Variants in WDR7 observed in about 807,000 individuals in gnomAD.
WDR7 encodes WD repeat domain 7.
In WDR7, 46 loss-of-function variants were observed where a neutral mutation model predicts 169.4. The ratio of observed to expected loss-of-function variants is 0.27; its 90% CI spans 0.21 to 0.35. The LOEUF (loss-of-function observed/expected upper bound fraction) is 0.35, where lower values mean the gene tolerates loss of function less well. Ranked by LOEUF, WDR7 falls within the 10% of genes least tolerant of loss-of-function variation. The pLI is 1.00. For missense variants in WDR7, 1,534 were observed against 1,859.3 expected (o/e 0.83, Z 3.22); for synonymous variants, 612 against 666.8 (o/e 0.92, Z 1.27).
rs999133501 is a variant in WDR7 at position 56,800,242 on chromosome 18, T to G, written c.3191-15789T>G. On this transcript the variant is annotated intron_variant, in intron 19 of 27. Coordinates refer to ENST00000254442, the MANE Select transcript of WDR7 (RefSeq NM_015285.3). ...TTCATTCTCTAAATCATTGGTTAGA[T>G]ATGAATAGTCTTTAAAATGAATTGT... 2.0e-4 allele frequency among the ~76,000 whole-genome samples: 30 copies of G among 152,342 alleles called. 1 individual carries two copies. The highest frequency in any genetic ancestry group is 7.0e-4 in the African/African-American group (29 of 41,592).
intron 19 of WDR7, among the ~76,000 whole-genome samples, chr18:56,783,372 A>G (rs2044348674): frequency 6.6e-6 from 1 of 152,206 alleles, no homozygotes; most frequent in Non-Finnish European, 1.5e-5. Flanking sequence ...CATTAACTTT[A>G]TAATATTCCA....
intron 20 of WDR7, among the ~76,000 whole-genome samples, chr18:56,876,452 A>G (rs2046022802): frequency 1.3e-5 from 2 of 152,218 alleles, no homozygotes; most frequent in South Asian, 4.1e-4. Flanking sequence ...CAAAAAAGAT[A>G]TCTCTGTGGA....
At chr18:56,947,105 C>A (rs868312173) in intron 25 of WDR7, among the ~76,000 whole-genome samples, 1 of 152,110 alleles carries the variant, frequency 6.6e-6, no homozygotes, top group African/African-American at 2.4e-5. Context: ...CACAGTTATA[C>A]AAAATAGTTC....
chr18:56,911,623 A>G (rs578122058), intron 21 of WDR7, among the ~76,000 whole-genome samples: 3 of 152,332 alleles, frequency 2.0e-5, no homozygotes, highest in African/African-American at 7.2e-5. Context: ...TTGACTGTGT[A>G]TGCGTAAAGG....
intron 19 of WDR7, among the ~76,000 whole-genome samples, chr18:56,787,965 G>A (rs9949822): frequency 0.014 from 2,123 of 152,254 alleles, 46 homozygotes; most frequent in African/African-American, 0.047. Flanking sequence ...AACATGGTAT[G>A]AGTCTTTCCC....
At chr18:56,801,322 T>G (rs556713262) in intron 19 of WDR7, among the ~76,000 whole-genome samples, 1 of 152,344 alleles carries the variant, frequency 6.6e-6, no homozygotes, top group East Asian at 1.9e-4. Context: ...TTTTTTGGCC[T>G]GTTTTCCAAA....
chr18:56,747,740 A>C (rs983044896), intron 14 of WDR7, among the ~76,000 whole-genome samples: 2 of 152,118 alleles, frequency 1.3e-5, no homozygotes, highest in African/African-American at 4.8e-5. Flanking sequence ...GTGCAGATGC[A>C]GGTGGGCATG....
chr18:56,845,788 A>G (rs1299438354), intron 20 of WDR7, among the ~76,000 whole-genome samples: 3 of 152,164 alleles, frequency 2.0e-5, no homozygotes, highest in Non-Finnish European at 4.4e-5. Context: ...GTTTCTTTCT[A>G]AAAAACTGCA....
intron 12 of WDR7, among the ~76,000 whole-genome samples, chr18:56,696,822 C>G (rs781515841): frequency 6.6e-6 from 1 of 152,014 alleles, no homozygotes; most frequent in South Asian, 2.1e-4. Flanking sequence ...ATTTTTGGGT[C>G]CATCTGAGCA....
intron 23 of WDR7, among the ~76,000 whole-genome samples, chr18:56,936,512 A>T (rs1425411440): frequency 6.6e-6 from 1 of 152,172 alleles, no homozygotes; most frequent in African/African-American, 2.4e-5. Flanking sequence ...ATTTTTTTTA[A>T]AGGTTTATTC....
At chr18:56,802,268 G>T (rs1294674792) in intron 19 of WDR7, among the ~76,000 whole-genome samples, 3 of 151,410 alleles carry the variant, frequency 2.0e-5, no homozygotes, top group Admixed American at 2.0e-4. Context: ...TTGGTGAAAT[G>T]CCTATTTACA....
At chr18:56,768,258 T>TA (rs996118566) in intron 16 of WDR7, among the ~76,000 whole-genome samples, 52 of 152,052 alleles carry the variant, frequency 3.4e-4, no homozygotes, top group Middle Eastern at 3.4e-3. Flanking sequence ...TGGGTCTTTT[T>TA]AAAAAAAAGC....
chr18:56,903,735 A>G (rs375847357), intron 21 of WDR7, among the ~76,000 whole-genome samples: 30 of 152,082 alleles, frequency 2.0e-4, no homozygotes, highest in East Asian at 3.9e-4. Context: ...TCCATTTTCA[A>G]TGGAAGTTGG....
In WDR7 at chr18:56,694,776, G is replaced by A. The variant is rs377438907; in HGVS notation, c.1108+16G>A. ...AGTGAAGAAGGTAATAGTAAATCAT[G>A]TGTAACAATTTCTTAATTAATTTAA... On this transcript the variant is annotated intron_variant, in intron 10 of 27. Transcript: ENST00000254442. 6 of 1,591,948 alleles carry A rather than the reference G, an allele frequency of 3.8e-6. No individual in the cohort carries two copies. The highest frequency in any genetic ancestry group is 5.1e-6 in the Non-Finnish European group (6 of 1,169,508).
intron 19 of WDR7, among the ~76,000 whole-genome samples, chr18:56,783,512 A>G (rs1176883201): frequency 7.2e-5 from 11 of 152,300 alleles, no homozygotes; most frequent in South Asian, 6.2e-4. Context: ...GCAAATCACT[A>G]AAGAATTTTT....
chr18:56,705,758 G>T (rs570835464), intron 12 of WDR7, among the ~76,000 whole-genome samples: 3 of 152,198 alleles, frequency 2.0e-5, no homozygotes, highest in Non-Finnish European at 2.9e-5. Context: ...CAGCATTTTG[G>T]CAGGCTGAGG....
intron 9 of WDR7, among the ~76,000 whole-genome samples, chr18:56,693,573 GTT>G (rs1254201598): frequency 1.3e-4 from 7 of 54,484 alleles, no homozygotes; most frequent in African/African-American, 4.3e-4. Flanking sequence ...TTTTTTTTTT[GTT>G]TTTTTTTTTT....
Position 56,731,448 on chromosome 18 carries a change from G to A in WDR7, c.1840G>A (p.Val614Ile). The change falls in exon 14 of 28, where the codon GTT becomes ATT. Residue 614 changes from valine (V) to isoleucine (I), a missense_variant. Transcript: ENST00000254442. ...VEILNACDEA[V>I]PAAVDSLSHP... ...GATTCTAAACGCTTGTGATGAAGCT[G>A]TTCCTGCTGCTGTTGATTCACTTAG... 1 of 1,614,178 alleles carries A rather than the reference G, an allele frequency of 6.2e-7. No individual in the cohort carries two copies. Among genetic ancestry groups the A allele is most frequent in the Non-Finnish European group, 8.5e-7 (1 of 1,180,034 alleles).
At chr18:56,846,417 G>T (rs1355946826) in intron 20 of WDR7, among the ~76,000 whole-genome samples, 1 of 152,046 alleles carries the variant, frequency 6.6e-6, no homozygotes, top group Non-Finnish European at 1.5e-5. Flanking sequence ...TAAGTCTCAC[G>T]AGATCCCATG....
Sources: gnomAD v4.1 joint callset for allele counts (sites outside exome capture counted in the v4.1 genomes callset) on GRCh38, gnomAD v4.1.1 for gene constraint, MANE v1.5 for transcripts, NCBI Gene and HGNC (gene_info 2026-07-23, HGNC 2026-07-21) for gene names.